Variants in ROCK1 observed in about 807,000 individuals in gnomAD.
ROCK1 encodes Rho associated coiled-coil containing protein kinase 1, also known as rho-associated protein kinase 1.
Under a neutral mutation model 196.8 loss-of-function variants are expected in ROCK1, and 36 were observed. That is an observed-to-expected ratio of 0.18 (90% CI 0.14 to 0.24). The LOEUF (loss-of-function observed/expected upper bound fraction) is 0.24. Ranked by LOEUF, ROCK1 falls within the 10% of genes least tolerant of loss-of-function variation. ROCK1 has a pLI of 1.00. For missense variants in ROCK1, 920 were observed against 1,562.0 expected, an observed-to-expected ratio of 0.59 and a Z score of 6.93; for synonymous variants, 443 against 515.9, an observed-to-expected ratio of 0.86 and a Z score of 1.91.
intron 1 of ROCK1, among the ~76,000 whole-genome samples, chr18:21,074,926 G>C (rs1411207205): frequency 6.6e-6 from 1 of 152,092 alleles, no homozygotes; most frequent in African/African-American, 2.4e-5. Flanking sequence ...ACAGAAGTGG[G>C]GCAAGGCAAT....
chr18:21,037,199 G>A (rs1237823592), intron 9 of ROCK1, among the ~76,000 whole-genome samples: 1 of 152,110 alleles, frequency 6.6e-6, no homozygotes, highest in Non-Finnish European at 1.5e-5. Flanking sequence ...TGGAAAAATA[G>A]TGTTAAAATC....
At chr18:20,984,727 A>G (rs1183823510) in intron 19 of ROCK1, among the ~76,000 whole-genome samples, 192 bp from the exon 20 acceptor site, 1 of 152,180 alleles carries the variant, frequency 6.6e-6, no homozygotes, top group Non-Finnish European at 1.5e-5. Context: ...TTAATTCCCA[A>G]ATTTCAGACA....
chr18:20,967,222 C>A, intron 26 of ROCK1, 146 bp from the exon 27 acceptor site: 1 of 561,118 alleles, frequency 1.8e-6, no homozygotes, highest in East Asian at 3.0e-5. Flanking sequence ...TGATACACTA[C>A]AGAAATGTCA....
chr18:20,976,211 A>C (rs989757130), intron 22 of ROCK1, among the ~76,000 whole-genome samples: 3 of 152,170 alleles, frequency 2.0e-5, no homozygotes, highest in Admixed American at 6.5e-5. Context: ...ACTGTCTTTA[A>C]TAATATTTAA....
rs554905816 is a variant in ROCK1 at position 20,947,266 on chromosome 18, G to A, written c.*4118C>T. ...CATATACTTTGGAGATAATCCATTAGAAAACACAGCTAACTGTTAATAACA... is the reference window on the plus strand; with the variant it reads ...CATATACTTTGGAGATAATCCATTAAAAAACACAGCTAACTGTTAATAACA... On this transcript the variant is annotated 3_prime_UTR_variant, in exon 33 of 33. Transcript: ENST00000399799. 1 of 151,842 alleles carries A rather than the reference G, an allele frequency of 6.6e-6. No individual in the cohort carries two copies. Among genetic ancestry groups the A allele is most frequent in the African/African-American group, 2.4e-5 (1 of 41,424 alleles). 9.4% of individuals were successfully genotyped at this position (151,842 alleles called of 1,614,324 possible). A position where few individuals can be genotyped will look rare whatever the true frequency, so the allele number is the denominator to read the frequency against.
rs1461692835 is a variant in ROCK1, at chr18:20,955,435, C to T, written c.3513-190G>A. 4 of 685,178 alleles carry T rather than the reference C, an allele frequency of 5.8e-6. No homozygotes were observed. The East Asian group carries it at 9.3e-5, about 16-fold the overall frequency. 42.4% of individuals were successfully genotyped at this position (685,178 alleles called of 1,614,324 possible). A position where few individuals can be genotyped will look rare whatever the true frequency, so the allele number is the denominator to read the frequency against. ...CTATCAGAGTTAAAAAAAATAAAAA[C>T]AGTAGTAACATCAAATGCTTGTGAG... On this transcript the variant is annotated intron_variant, in intron 29 of 32. Coordinates refer to ENST00000399799, the MANE Select transcript of ROCK1 (RefSeq NM_005406.3).
chr18:21,036,880 GTAT>G (rs1314748620), intron 9 of ROCK1, among the ~76,000 whole-genome samples: 2 of 152,044 alleles, frequency 1.3e-5, no homozygotes, highest in African/African-American at 2.4e-5. Flanking sequence ...AAATATAACA[GTAT>G]TATTAATAAT....
intron 29 of ROCK1, among the ~76,000 whole-genome samples, chr18:20,958,891 ATTT>A (rs2035275985): frequency 9.8e-6 from 1 of 101,770 alleles, no homozygotes; most frequent in African/African-American, 5.1e-5. Flanking sequence ...AAATATATAT[ATTT>A]ATTTATATAT....
At chr18:20,992,779 G>T in intron 17 of ROCK1, 52 bp downstream of exon 17, 1 of 1,044,452 alleles carries the variant, frequency 9.6e-7, no homozygotes, top group Non-Finnish European at 1.5e-6. Context: ...AGTAGTCTAT[G>T]ATAATCAGTA....
At chr18:21,047,747 G>A (rs1279855658) in intron 4 of ROCK1, among the ~76,000 whole-genome samples, 7 of 151,334 alleles carry the variant, frequency 4.6e-5, no homozygotes, top group Admixed American at 2.0e-4. Flanking sequence ...GCAGTGAGCC[G>A]AGATCGCACC....
At chr18:21,045,972 G>A (rs1342972139) in intron 4 of ROCK1, among the ~76,000 whole-genome samples, 5 of 140,724 alleles carry the variant, frequency 3.6e-5, no homozygotes, top group Admixed American at 1.5e-4. Flanking sequence ...GTGCAGTGGC[G>A]TGATGTCGGC....
At chr18:21,096,590 G>A (rs1279042499) in intron 1 of ROCK1, among the ~76,000 whole-genome samples, 1 of 152,184 alleles carries the variant, frequency 6.6e-6, no homozygotes, top group African/African-American at 2.4e-5. Flanking sequence ...ACAAGAGAAT[G>A]GAAATAGGGG....
chr18:20,968,841 C>A lies in ROCK1; in HGVS notation c.2934G>T (p.Glu978Asp), dbSNP rs770512001. ...KAEEEYKLEK[E>D]EEISNLKAAF... Reference sequence around the variant, plus strand: ...CAGCCTTAAGATTACTGATCTCCTCCTCCTTCTCCAGTTTATATTCTGTCA... The same window carrying A: ...CAGCCTTAAGATTACTGATCTCCTCATCCTTCTCCAGTTTATATTCTGTCA... Residue 978 changes from glutamate (E) to aspartate (D), a missense_variant, in exon 25 of 33, where the codon GAG becomes GAT. Glu to Asp is a conservative substitution (Grantham distance 45). This residue lies in a region of ROCK1 where 520 missense variants were observed against 657.1 expected (regional missense o/e 0.79). Transcript: ENST00000399799. 3.1e-6 allele frequency: 5 copies of A among 1,602,352 alleles called. No individual in the cohort carries two copies. Among genetic ancestry groups the A allele is most frequent in the Non-Finnish European group, 4.3e-6 (5 of 1,169,430 alleles).
At chr18:21,064,352 C>G (rs1488112025) in intron 2 of ROCK1, among the ~76,000 whole-genome samples, 1 of 151,622 alleles carries the variant, frequency 6.6e-6, no homozygotes, top group Non-Finnish European at 1.5e-5. Context: ...ATATTACTTT[C>G]TTTTGGAAGC....
chr18:20,995,000 C>A (rs2143414641), intron 16 of ROCK1, among the ~76,000 whole-genome samples: 1 of 152,196 alleles, frequency 6.6e-6, no homozygotes, highest in African/African-American at 2.4e-5. Context: ...AAAAACCACA[C>A]TAACAATAAA....
At chr18:21,000,325 C>T (rs747658448) in intron 16 of ROCK1, among the ~76,000 whole-genome samples, 2 of 151,678 alleles carry the variant, frequency 1.3e-5, no homozygotes, top group African/African-American at 2.4e-5. Context: ...TGCAATGGTG[C>T]AATCTTGGCT....
In ROCK1 at chr18:21,049,110, G is replaced by A; in HGVS notation, c.396C>T (p.Asn132=). 2 of 1,610,578 alleles carry A rather than the reference G, an allele frequency of 1.2e-6. No individual in the cohort carries two copies. The highest frequency in any genetic ancestry group is 8.5e-7 in the Non-Finnish European group (1 of 1,178,024). ...GTCATACCTGAACAACCCAAGGACT[G>A]TTGGCAAAAGCCATGATGTCCCTTT... ...WEERDIMAFA[N]SPWVVQLFYA... The change falls in exon 4 of 33, where the codon AAC becomes AAT. Residue 132 remains asparagine (N), a synonymous_variant. Coordinates refer to ENST00000399799, the MANE Select transcript of ROCK1 (RefSeq NM_005406.3).
chr18:20,952,377 G>C lies in ROCK1; in HGVS notation c.4062-990C>G, dbSNP rs1426861789. On this transcript the variant is annotated intron_variant, in intron 32 of 32. Coordinates refer to ENST00000399799, the MANE Select transcript of ROCK1 (RefSeq NM_005406.3). ...GGCCTGGGTGACAGAGCGAGACTCTGTCTCAAAATGAATGAATGAATGAAT... is the reference window on the plus strand; with the variant it reads ...GGCCTGGGTGACAGAGCGAGACTCTCTCTCAAAATGAATGAATGAATGAAT... Among the ~76,000 whole-genome samples, 14 of 126,528 alleles carry C rather than the reference G, an allele frequency of 1.1e-4. No individual in the cohort carries two copies. The South Asian group carries it at 3.5e-3, about 32-fold the overall frequency. 83.0% of individuals were successfully genotyped at this position (126,528 alleles called of 152,430 possible).
chr18:21,061,219 T>C (rs2036287371), intron 2 of ROCK1, among the ~76,000 whole-genome samples: 1 of 151,880 alleles, frequency 6.6e-6, no homozygotes, highest in Non-Finnish European at 1.5e-5. Context: ...GCTGGAATTA[T>C]AGGCACCTGC....
Sources: allele counts gnomAD v4.1 joint callset (sites outside exome capture counted in the v4.1 genomes callset), GRCh38; gene constraint gnomAD v4.1.1; regional missense constraint gnomAD v4.1.1; transcripts MANE v1.5; gene names NCBI Gene and HGNC (gene_info 2026-07-23, HGNC 2026-07-21).